RNASEH2C: variants seen among roughly 807,000 people sequenced by gnomAD.
RNASEH2C encodes the protein ribonuclease H2 subunit C, also known as RNase H1 small subunit.
RNASEH2C carries 20 observed loss-of-function variants against 16.3 expected under a neutral mutation model. That is an observed-to-expected ratio of 1.23 (90% CI 0.86 to 1.79). The LOEUF (loss-of-function observed/expected upper bound fraction) is 1.79. Ranked by LOEUF, RNASEH2C falls within the 40% of genes most tolerant of loss-of-function variation. The probability of loss-of-function intolerance (pLI) is 0.00; values close to 1 mark genes in which losing one functional copy is unlikely to be tolerated. For missense variants in RNASEH2C, 296 were observed against 235.9 expected, an observed-to-expected ratio of 1.25 and a Z score of -1.67; for synonymous variants, 106 against 98.9, an observed-to-expected ratio of 1.07 and a Z score of -0.43.
Position 65,718,248 on chromosome 11 carries a change from G to A in RNASEH2C, c.*1535C>T. ...ACTTCCTTACATGGCTAGACACAGAGCCCGGGATGGCAAAGGAAAATTGGA... is the reference window on the plus strand; with the variant it reads ...ACTTCCTTACATGGCTAGACACAGAACCCGGGATGGCAAAGGAAAATTGGA... On this transcript the variant is annotated 3_prime_UTR_variant, in exon 4 of 4. Transcript: ENST00000308418. 8.6e-6 allele frequency: 2 copies of A among 231,914 alleles called. No homozygotes were observed. Among genetic ancestry groups the A allele is most frequent in the African/African-American group, 2.3e-5 (1 of 44,356 alleles). 14.4% of individuals were successfully genotyped at this position (231,914 alleles called of 1,614,324 possible).
intron 3 of RNASEH2C, 67 bp downstream of exon 3, chr11:65,719,978 C>A: frequency 6.2e-7 from 1 of 1,609,530 alleles, no homozygotes; most frequent in Admixed American, 1.7e-5. Context: ...CCTCCAGGCT[C>A]CGTCTGCGCA....
intron 3 of RNASEH2C, 26 bp downstream of exon 3, chr11:65,720,019 C>A: frequency 3.1e-6 from 5 of 1,612,048 alleles, no homozygotes; most frequent in Non-Finnish European, 4.2e-6. Context: ...CACCCGGGGG[C>A]AAGACGGAAC....
At position 65,719,441 on chromosome 11, in the gene RNASEH2C, A is replaced by G; in HGVS notation, c.*342T>C. On this transcript the variant is annotated 3_prime_UTR_variant, in exon 4 of 4. Transcript: ENST00000308418. ...ACCAGAGGGAGCCAGGCAGCTGTGT[A>G]CAGTGAGAAGGGATCCGGATGGGGG... The G allele has an allele frequency of 1.7e-6, 1 of 603,210 alleles. No individual in the cohort carries two copies. The highest frequency in any genetic ancestry group is 2.9e-6 in the Non-Finnish European group (1 of 341,358). The allele number at this position is 603,210 out of a possible 1,614,324, so 37.4% of individuals were successfully genotyped here. A position where few individuals can be genotyped will look rare whatever the true frequency, so the allele number is the denominator to read the frequency against.
Position 65,720,698 on chromosome 11 carries a change from A to T in RNASEH2C, c.61T>A (p.Leu21Met), listed in dbSNP as rs376140250. The change falls in exon 1 of 4, where the codon TTG (leucine) becomes ATG (methionine). Residue 21 changes from leucine (L) to methionine (M), a missense_variant. By Grantham distance (15) the Leu-to-Met change is conservative. Coordinates refer to ENST00000308418, the MANE Select transcript of RNASEH2C (RefSeq NM_032193.4). ...AGTGTGGCGGGTACGGCGTCGCGCAATGTGGCGGAGCGCAAGTGGACGCGG... is the reference window on the plus strand; with the variant it reads ...AGTGTGGCGGGTACGGCGTCGCGCATTGTGGCGGAGCGCAAGTGGACGCGG... ...RHRVHLRSATLRDAVPATLHL... is the reference protein window; with the variant it reads ...RHRVHLRSATMRDAVPATLHL... The T allele has an allele frequency of 4.4e-6, 7 of 1,594,076 alleles. No individual in the cohort carries two copies. The highest frequency in any genetic ancestry group is 6.0e-6 in the Non-Finnish European group (7 of 1,174,060).
Position 65,720,050 on chromosome 11 carries a change from C to T in RNASEH2C, c.463G>A (p.Ala155Thr), listed in dbSNP as rs757866333. Residue 155 changes from alanine to threonine, a missense_variant, in exon 3 of 4, where the codon GCA becomes ACA. Transcript: ENST00000308418. ...GGAACTCCTCGTCTACTCACCGCTG[C>T]CGCAAGGCTGGGCCAAGTTAAGGCC... ...RGALTWPSLA[A>T]AIHAQVPED 10 of 1,613,520 alleles carry T rather than the reference C, an allele frequency of 6.2e-6. No individual in the cohort carries two copies. The highest frequency in any genetic ancestry group is 5.9e-6 in the Non-Finnish European group (7 of 1,180,054).
chr11:65,720,598 TG>T lies in RNASEH2C; in HGVS notation c.160del (p.Gln54ArgfsTer30). ...GCCGCAGGGCTCACCCTCGGGGCCCTGGCGGATGGCGGGCGTGAAGAAGCGC... is the reference window on the plus strand; with the variant it reads ...GCCGCAGGGCTCACCCTCGGGGCCCTGCGGATGGCGGGCGTGAAGAAGCGC... ...VGRFFTPAIR[Q>X]GPEGLEVSFR... On this transcript the variant is annotated frameshift_variant, in exon 1 of 4. Coordinates refer to ENST00000308418, the MANE Select transcript of RNASEH2C (RefSeq NM_032193.4). LOFTEE classifies it high-confidence loss of function. 1 of 1,537,864 alleles carries T rather than the reference TG, an allele frequency of 6.5e-7. No homozygotes were observed. The highest frequency in any genetic ancestry group is 1.4e-5 in the African/African-American group (1 of 73,044).
Position 65,719,365 on chromosome 11 carries a change from A to G in RNASEH2C, c.*418T>C. On this transcript the variant is annotated 3_prime_UTR_variant, in exon 4 of 4. Coordinates refer to ENST00000308418, the MANE Select transcript of RNASEH2C (RefSeq NM_032193.4). Reference sequence around the variant, plus strand: ...GCACCAAGGCGAGCTCCGGGCTCAGACCAACTCCAAGGTCAGCTGGCCACA... The same window carrying G: ...GCACCAAGGCGAGCTCCGGGCTCAGGCCAACTCCAAGGTCAGCTGGCCACA... 1.4e-6 allele frequency: 1 copy of G among 732,138 alleles called. No homozygotes were observed. 45.4% of individuals were successfully genotyped at this position (732,138 alleles called of 1,614,324 possible). A position where few individuals can be genotyped will look rare whatever the true frequency, so the allele number is the denominator to read the frequency against.
rs886048495 is a variant in RNASEH2C, at chr11:65,719,251, G to A, written c.*532C>T. 1.3e-6 allele frequency: 2 copies of A among 1,555,934 alleles called. No individual in the cohort carries two copies. The highest frequency in any genetic ancestry group is 1.7e-6 in the Non-Finnish European group (2 of 1,143,238). ...GCTGATAGCCCACCCCGCCCCCACT[G>A]CAGCTCCCACAAAGCACTCTAAGGG... On this transcript the variant is annotated 3_prime_UTR_variant, in exon 4 of 4. Coordinates refer to ENST00000308418, the MANE Select transcript of RNASEH2C (RefSeq NM_032193.4).
intron 1 of RNASEH2C, 24 bp from the exon 2 acceptor site, chr11:65,720,441 C>A: frequency 6.2e-7 from 1 of 1,611,950 alleles, no homozygotes; most frequent in Non-Finnish European, 8.5e-7. Context: ...CGCAAAGGGC[C>A]TCAGGCAGGA....
chr11:65,720,559 G>A, intron 1 of RNASEH2C, 28 bp downstream of exon 1: 1 of 1,518,902 alleles, frequency 6.6e-7, no homozygotes, highest in Non-Finnish European at 8.8e-7. Flanking sequence ...GGGGCTGCCG[G>A]GAGCCGTAGT....
In RNASEH2C at chr11:65,718,110, C is replaced by T. The variant is rs1302846744; in HGVS notation, c.*1673G>A. On this transcript the variant is annotated 3_prime_UTR_variant, in exon 4 of 4. Coordinates refer to ENST00000308418, the MANE Select transcript of RNASEH2C (RefSeq NM_032193.4). The stretch of plus-strand genomic sequence containing the variant: ...TTTTCTCCTTGCATCCTCACAACCA[C>T]CCAGTCAGGCCACTCAAGTCTTACA... The T allele has an allele frequency of 1.3e-5, 2 of 154,514 alleles. No homozygotes were observed. Among genetic ancestry groups the T allele is most frequent in the African/African-American group, 4.8e-5 (2 of 41,484 alleles). 9.6% of individuals were successfully genotyped at this position (154,514 alleles called of 1,614,324 possible).
chr11:65,720,484 C>T (rs893029230), intron 1 of RNASEH2C, 67 bp from the exon 2 acceptor site: 19 of 1,593,908 alleles, frequency 1.2e-5, no homozygotes, highest in Non-Finnish European at 1.6e-5. Flanking sequence ...GCTGCCCTCC[C>T]GCCACCTCCG....
Position 65,720,782 on chromosome 11 carries a change from G to A in RNASEH2C, c.-24C>T, listed in dbSNP as rs777972070. On this transcript the variant is annotated 5_prime_UTR_variant, in exon 1 of 4. Transcript: ENST00000308418. Reference sequence around the variant, plus strand: ...ATCCTCCCTCCTACGCGACGCCAGGGCTCGCGAGCTGACACTGAAGCTGGC... The same window carrying A: ...ATCCTCCCTCCTACGCGACGCCAGGACTCGCGAGCTGACACTGAAGCTGGC... 1.3e-6 allele frequency: 2 copies of A among 1,568,982 alleles called. No homozygotes were observed. The highest frequency in any genetic ancestry group is 8.6e-7 in the Non-Finnish European group (1 of 1,164,730).
In RNASEH2C at chr11:65,719,518, G is replaced by T. The variant is rs1053691962; in HGVS notation, c.*265C>A. On this transcript the variant is annotated 3_prime_UTR_variant, in exon 4 of 4. Coordinates refer to ENST00000308418, the MANE Select transcript of RNASEH2C (RefSeq NM_032193.4). ...TAAAAATTTCTTTTGTAAAGTAGAA[G>T]TTGGGGGTGGGGTGGGTGCTGGCTG... The T allele has an allele frequency of 3.3e-6, 2 of 613,636 alleles. No individual in the cohort carries two copies. Among genetic ancestry groups the T allele is most frequent in the Non-Finnish European group, 5.7e-6 (2 of 348,718 alleles). 38.0% of individuals were successfully genotyped at this position (613,636 alleles called of 1,614,324 possible).
In RNASEH2C at chr11:65,720,732, G is replaced by A; in HGVS notation, c.27C>T (p.Ile9=). ...AGCGCAAGTGGACGCGGTGCCTCTC[G>A]ATGGCCGCTTCGTCGCCGCTCTCCA... is the stretch of plus-strand genomic sequence containing the variant. MESGDEAA[I]ERHRVHLRSA... The change falls in exon 1 of 4, where the codon ATC becomes ATT. Residue 9 remains isoleucine (I), a synonymous_variant. Coordinates refer to ENST00000308418, the MANE Select transcript of RNASEH2C (RefSeq NM_032193.4). 6.3e-7 allele frequency: 1 copy of A among 1,596,990 alleles called. No individual in the cohort carries two copies. Among genetic ancestry groups the A allele is most frequent in the Non-Finnish European group, 8.5e-7 (1 of 1,175,920 alleles).
rs747248530 is a variant in RNASEH2C, at chr11:65,720,241, C to T, written c.348+1G>A. 29 of 1,614,132 alleles carry T rather than the reference C, an allele frequency of 1.8e-5. No individual in the cohort carries two copies. The highest frequency in any genetic ancestry group is 2.7e-5 in the African/African-American group (2 of 74,942). ...CCTTTCAACCCTATCCCTTTGCTCACGAAGTCCCGCTCCAGCGGCTCCTCC... is the reference window on the plus strand; with the variant it reads ...CCTTTCAACCCTATCCCTTTGCTCATGAAGTCCCGCTCCAGCGGCTCCTCC... On this transcript the variant is annotated splice_donor_variant, in intron 2 of 3. Transcript: ENST00000308418. LOFTEE classifies it high-confidence loss of function.
In RNASEH2C at chr11:65,720,216, C is replaced by G. The variant is rs370380156; in HGVS notation, c.348+26G>C. 5.0e-6 allele frequency: 8 copies of G among 1,614,260 alleles called. No individual in the cohort carries two copies. In the East Asian group the frequency reaches 6.7e-5, roughly 13 times the overall value. On this transcript the variant is annotated intron_variant, in intron 2 of 3. Transcript: ENST00000308418. ...GGGACTACAGCTCCCGCCCGCACCC[C>G]CTTTCAACCCTATCCCTTTGCTCAC...
Position 65,720,394 on chromosome 11 carries a change from G to T in RNASEH2C, c.196C>A (p.Arg66Ser). The T allele has an allele frequency of 1.2e-6, 2 of 1,614,102 alleles. No homozygotes were observed. The highest frequency in any genetic ancestry group is 1.7e-6 in the Non-Finnish European group (2 of 1,180,046). ...GCCACCTCCTCTCCCCGTAGACAGC[G>T]GCCCCGAAACGACACTTCGAGTCCT... ...PEGLEVSFRG[R>S]CLRGEEVAVP... Residue 66 changes from arginine to serine, a missense_variant, in exon 2 of 4, where the codon CGC (arginine) becomes AGC (serine). Transcript: ENST00000308418.
chr11:65,719,983 T>G, intron 3 of RNASEH2C, 62 bp downstream of exon 3: 15 of 1,609,780 alleles, frequency 9.3e-6, no homozygotes, highest in Non-Finnish European at 1.3e-5. Flanking sequence ...AGGCTCCGTC[T>G]GCGCAATTGT....
Sources: allele counts gnomAD v4.1 joint callset, GRCh38; gene constraint gnomAD v4.1.1; transcripts MANE v1.5; gene names NCBI Gene and HGNC (gene_info 2026-07-23, HGNC 2026-07-21).